Variants in MOB4 observed in about 807,000 individuals in gnomAD.
The protein encoded by MOB4 is MOB-like protein phocein.
Under a neutral mutation model 32.2 loss-of-function variants are expected in MOB4, and 4 were observed. The observed-to-expected ratio is 0.12, with a 90% CI of 0.06 to 0.28. The LOEUF (loss-of-function observed/expected upper bound fraction) is 0.28, where lower values mean the gene tolerates loss of function less well. MOB4 is among the 10% of genes least tolerant of loss of function. The probability of loss-of-function intolerance (pLI) is 1.00; values close to 1 mark genes in which losing one functional copy is unlikely to be tolerated. For synonymous variants in MOB4, 88 were observed against 88.1 expected (o/e 1.00, Z 0.01); for missense variants, 158 against 271.2 (o/e 0.58, Z 2.93).
intron 1 of MOB4, among the ~76,000 whole-genome samples, chr2:197,518,657 A>G (rs10187815): frequency 0.71 from 106,854 of 151,318 alleles, 38,445 homozygotes; most frequent in Middle Eastern, 0.86. Flanking sequence ...CTGCCTCCCA[A>G]GTTCAAGTGA....
At chr2:197,516,288 G>A (rs1440403214) in intron 1 of MOB4, 142 bp downstream of exon 1, 23 of 1,446,918 alleles carry the variant, frequency 1.6e-5, no homozygotes, top group Non-Finnish European at 1.9e-5. Flanking sequence ...CTCTTCCGGA[G>A]CTGCAGCCCC....
chr2:197,550,151 C>T, intron 6 of MOB4, 124 bp from the exon 7 acceptor site: 1 of 825,052 alleles, frequency 1.2e-6, no homozygotes, highest in South Asian at 2.3e-5. Flanking sequence ...CGCAGTGTGA[C>T]CTTGGAGTAG....
Position 197,540,450 on chromosome 2 carries a change from G to A in MOB4, c.354+13G>A. On this transcript the variant is annotated intron_variant, in intron 5 of 7. Transcript: ENST00000323303. ...AACTCCAAAAGAGGTGAGGATTTAT[G>A]AAATAGAGTAACTAATAAAATTATT... is the stretch of plus-strand genomic sequence containing the variant. The A allele has an allele frequency of 6.4e-7, 1 of 1,561,330 alleles. No homozygotes were observed.
intron 2 of MOB4, chr2:197,533,819 C>CT (rs1253091761): frequency 6.8e-6 from 4 of 585,780 alleles, no homozygotes; most frequent in Admixed American, 3.7e-5. Context: ...TCCCACAAGA[C>CT]TTTAAGACTT....
Position 197,535,638 on chromosome 2 carries a change from C to G in MOB4, c.224+8C>G. 1 of 1,599,622 alleles carries G rather than the reference C, an allele frequency of 6.3e-7. No individual in the cohort carries two copies. The highest frequency in any genetic ancestry group is 8.5e-7 in the Non-Finnish European group (1 of 1,176,304). The stretch of plus-strand genomic sequence containing the variant: ...GAAGTATGAACATTTAAGGTAGGAC[C>G]TTACATCAAAATACTAATAGTACCT... On this transcript the variant is annotated splice_region_variant and intron_variant, in intron 3 of 7. Coordinates refer to ENST00000323303, the MANE Select transcript of MOB4 (RefSeq NM_015387.5).
At chr2:197,546,350 T>C (rs1258056049) in intron 5 of MOB4, among the ~76,000 whole-genome samples, 1 of 150,960 alleles carries the variant, frequency 6.6e-6, no homozygotes, top group African/African-American at 2.4e-5. Flanking sequence ...CGTGAGCCAC[T>C]GCGCCCGGCC....
At chr2:197,527,497 C>G (rs550144647) in intron 2 of MOB4, among the ~76,000 whole-genome samples, 4 of 152,308 alleles carry the variant, frequency 2.6e-5, no homozygotes, top group African/African-American at 9.6e-5. Flanking sequence ...TTGTATTCTA[C>G]AACTTTGCTG....
At chr2:197,516,460 C>A in intron 1 of MOB4, 1 of 1,134,006 alleles carries the variant, frequency 8.8e-7, no homozygotes, top group South Asian at 1.6e-5. Context: ...TGCCCCTGAG[C>A]CCCAGCTGAC....
chr2:197,516,437 C>T (rs921834977), intron 1 of MOB4: 2 of 1,277,074 alleles, frequency 1.6e-6, no homozygotes, highest in African/African-American at 1.5e-5. Context: ...GCAGCAACGG[C>T]TTCTTCTCGC....
upstream of MOB4, chr2:197,516,024 C>A: frequency 2.0e-6 from 3 of 1,511,706 alleles, no homozygotes; most frequent in Admixed American, 2.0e-5. Flanking sequence ...TCTGCCCCGC[C>A]CCCCGCGCAG....
In MOB4 at chr2:197,550,627, C is replaced by G. The variant is rs769578142; in HGVS notation, c.659C>G (p.Ser220Cys). ...GAAGAGGAAGTACAGAATTCAGTTT[C>G]TGGGGAAAGTGAAGCATGAAGGGAA... is the stretch of plus-strand genomic sequence containing the variant. ...ILEEEVQNSV[S>C]GESEA is the part of the protein sequence containing the mutation. The change falls in exon 8 of 8, where the codon TCT becomes TGT. Residue 220 changes from serine to cysteine, a missense_variant. Transcript: ENST00000323303. 8.1e-5 allele frequency: 130 copies of G among 1,599,448 alleles called. No individual in the cohort carries two copies. Among genetic ancestry groups the G allele is most frequent in the Non-Finnish European group, 1.1e-4 (129 of 1,176,304 alleles).
At chr2:197,528,943 G>A (rs1464185257) in intron 2 of MOB4, among the ~76,000 whole-genome samples, 3 of 151,042 alleles carry the variant, frequency 2.0e-5, no homozygotes, top group African/African-American at 4.9e-5. Flanking sequence ...ATTATTTTCT[G>A]TCTGAAGAAC....
intron 2 of MOB4, among the ~76,000 whole-genome samples, chr2:197,527,235 T>A (rs2086626150): frequency 6.6e-6 from 1 of 152,184 alleles, no homozygotes; most frequent in Non-Finnish European, 1.5e-5. Context: ...TTGCTTTAGG[T>A]AGCATTGACA....
chr2:197,546,523 T>A (rs192659231), intron 5 of MOB4, among the ~76,000 whole-genome samples: 20 of 152,288 alleles, frequency 1.3e-4, no homozygotes, highest in African/African-American at 4.1e-4. Flanking sequence ...GCCTTCTTGG[T>A]AGCTGGGACT....
intron 2 of MOB4, 152 bp downstream of exon 2, chr2:197,523,838 C>G: frequency 4.7e-6 from 3 of 634,402 alleles, no homozygotes; most frequent in South Asian, 5.9e-5. Context: ...GTTCCTTTTA[C>G]AACTCCAATA....
rs2086834376 is a variant in MOB4 at position 197,538,112 on chromosome 2, A to G, written c.225-1999A>G. 2.0e-5 allele frequency among the ~76,000 whole-genome samples: 3 copies of G among 151,072 alleles called. No homozygotes were observed. In the South Asian group the frequency reaches 6.2e-4, roughly 31 times the overall value. On this transcript the variant is annotated intron_variant, in intron 3 of 7. Coordinates refer to ENST00000323303, the MANE Select transcript of MOB4 (RefSeq NM_015387.5). ...ATTACAAGCATAATTCCTAACAAAT[A>G]GGGGCTGATTTTAGTGTTACAAGGG...
chr2:197,530,163 T>G (rs1574635081), intron 2 of MOB4, among the ~76,000 whole-genome samples: 1 of 151,828 alleles, frequency 6.6e-6, no homozygotes, highest in Non-Finnish European at 1.5e-5. Flanking sequence ...AGAGACGGGG[T>G]TTCACCTTCT....
At chr2:197,516,369 G>T in intron 1 of MOB4, 1 of 1,418,406 alleles carries the variant, frequency 7.1e-7, no homozygotes. Flanking sequence ...GGCGTGAGGG[G>T]CGGGTGGGGT....
intron 2 of MOB4, among the ~76,000 whole-genome samples, chr2:197,528,946 T>C (rs2086654981): frequency 6.6e-6 from 1 of 151,666 alleles, no homozygotes; most frequent in African/African-American, 2.4e-5. Context: ...ATTTTCTGTC[T>C]GAAGAACTTC....
Sources: allele counts gnomAD v4.1 joint callset (sites outside exome capture counted in the v4.1 genomes callset), GRCh38; gene constraint gnomAD v4.1.1; transcripts MANE v1.5; gene names NCBI Gene and HGNC (gene_info 2026-07-23, HGNC 2026-07-21).